The following OTOGL variants were observed in gnomAD, a reference collection of about 807,000 sequenced individuals.
OTOGL encodes the protein otogelin like, also known as otogelin-like protein.
OTOGL carries 285 observed loss-of-function variants against 318.5 expected under a neutral mutation model. The ratio of observed to expected loss-of-function variants is 0.89; its 90% CI spans 0.81 to 0.99. The LOEUF (loss-of-function observed/expected upper bound fraction) is 0.99. Ranked by LOEUF, OTOGL falls within the 50% of genes least tolerant of loss-of-function variation. The pLI, the probability that OTOGL is intolerant of heterozygous loss-of-function variation, is 0.00. For synonymous variants in OTOGL, 987 were observed against 936.5 expected, an observed-to-expected ratio of 1.05 and a Z score of -0.99; for missense variants, 2,899 against 2,845.6, an observed-to-expected ratio of 1.02 and a Z score of -0.43.
intron 29 of OTOGL, among the ~76,000 whole-genome samples, chr12:80,307,950 C>T (rs1363903698): frequency 9.7e-5 from 11 of 113,660 alleles, no homozygotes; most frequent in South Asian, 5.6e-4. Flanking sequence ...CCGGACGGAG[C>T]GGCTGGCCGG....
intron 56 of OTOGL, among the ~76,000 whole-genome samples, chr12:80,371,042 A>AT (rs1444791419): frequency 6.6e-6 from 1 of 151,980 alleles, no homozygotes; most frequent in East Asian, 1.9e-4. Flanking sequence ...AAACAGTGAG[A>AT]TTTTTGATGT....
chr12:80,126,951 G>C (rs898942165), intron 1 of OTOGL, among the ~76,000 whole-genome samples: 7 of 152,212 alleles, frequency 4.6e-5, no homozygotes, highest in Non-Finnish European at 1.0e-4. Context: ...ACATGAGATG[G>C]GTTTCCTGAA....
At chr12:80,118,970 C>T (rs527724296) in intron 1 of OTOGL, among the ~76,000 whole-genome samples, 30 of 149,774 alleles carry the variant, frequency 2.0e-4, no homozygotes, top group African/African-American at 7.1e-4. Flanking sequence ...TTTTATTTAT[C>T]GAGAAGAGGC....
Position 80,342,041 on chromosome 12 carries a change from G to A in OTOGL, c.5144G>A (p.Trp1715Ter). 1 of 1,607,446 alleles carries A rather than the reference G, an allele frequency of 6.2e-7. No individual in the cohort carries two copies. Among genetic ancestry groups the A allele is most frequent in the Non-Finnish European group, 8.5e-7 (1 of 1,176,118 alleles). The change falls in exon 44 of 59, where the codon TGG becomes TAG. Residue 1715 changes from tryptophan to a stop codon, truncating the protein, a stop_gained. Coordinates refer to ENST00000547103, the MANE Select transcript of OTOGL (RefSeq NM_001378609.3). LOFTEE classifies it high-confidence loss of function. Reference protein sequence around the residue: ...MEDIGLFIESWEIEKSFEVTM... With the variant: ...MEDIGLFIES Reference sequence around the variant, plus strand: ...GACATAGGATTATTTATTGAGAGCTGGGAAATTGAGAAATCATTTGAAGTA... The same window carrying A: ...GACATAGGATTATTTATTGAGAGCTAGGAAATTGAGAAATCATTTGAAGTA...
chr12:80,105,631 T>G (rs1254156504), intron 1 of OTOGL, among the ~76,000 whole-genome samples: 1 of 152,184 alleles, frequency 6.6e-6, no homozygotes, highest in African/African-American at 2.4e-5. Context: ...TAAATATATA[T>G]CAAGAATTAT....
intron 9 of OTOGL, among the ~76,000 whole-genome samples, chr12:80,233,896 G>T (rs749578850): frequency 1.4e-4 from 21 of 152,154 alleles, no homozygotes; most frequent in South Asian, 4.1e-4. Flanking sequence ...GTAAAATGGG[G>T]CTATGCTAAT....
chr12:80,353,250 G>T, intron 45 of OTOGL, 75 bp from the exon 46 acceptor site: 1 of 1,143,390 alleles, frequency 8.7e-7, no homozygotes. Context: ...AAAGAAATCT[G>T]ACATTTCTTT....
intron 27 of OTOGL, among the ~76,000 whole-genome samples, chr12:80,299,697 T>C (rs868595251): frequency 6.6e-6 from 1 of 152,038 alleles, no homozygotes; most frequent in Non-Finnish European, 1.5e-5. Flanking sequence ...AATATTTTAT[T>C]AATTTATTTA....
At chr12:80,340,933 T>TA (rs1245229105) in intron 43 of OTOGL, among the ~76,000 whole-genome samples, 1 of 69,780 alleles carries the variant, frequency 1.4e-5, no homozygotes, top group East Asian at 3.9e-4. Flanking sequence ...GTAGTCCACT[T>TA]AGGTTTTTTT....
At chr12:80,107,285 A>T (rs1213814962) in intron 1 of OTOGL, among the ~76,000 whole-genome samples, 1 of 152,208 alleles carries the variant, frequency 6.6e-6, no homozygotes, top group Non-Finnish European at 1.5e-5. Flanking sequence ...GACATTTTTC[A>T]AAAGAAGGCA....
In OTOGL at chr12:80,336,508, C is replaced by G; in HGVS notation, c.4696C>G (p.Pro1566Ala). 1 of 1,609,614 alleles carries G rather than the reference C, an allele frequency of 6.2e-7. No homozygotes were observed. The highest frequency in any genetic ancestry group is 1.1e-5 in the South Asian group (1 of 90,692). ...GGCTTCTTATATCTTAGTAAGAATT[C>G]CTGGTGAAATTATAGTTGCTCATAT... ...SMASYILVRI[P>A]GEIIVAHIEK... Residue 1566 changes from proline to alanine, a missense_variant, in exon 40 of 59, where the codon CCT (proline) becomes GCT (alanine). Transcript: ENST00000547103.
At chr12:80,150,302 G>A (rs547526176) in intron 1 of OTOGL, among the ~76,000 whole-genome samples, 1 of 152,164 alleles carries the variant, frequency 6.6e-6, no homozygotes, top group African/African-American at 2.4e-5. Context: ...TTCTTTCTAT[G>A]CAGCTACAAC....
intron 1 of OTOGL, among the ~76,000 whole-genome samples, chr12:80,118,078 T>C (rs10746150): frequency 0.55 from 84,091 of 151,900 alleles, 23,407 homozygotes; most frequent in Middle Eastern, 0.59. Flanking sequence ...GACTATTTTT[T>C]ACCTTCCCTT....
chr12:80,315,499 A>C (rs1213698796), intron 32 of OTOGL, among the ~76,000 whole-genome samples: 1 of 152,150 alleles, frequency 6.6e-6, no homozygotes, highest in Non-Finnish European at 1.5e-5. Context: ...TTAATGAGGA[A>C]GGCGCAGGCC....
chr12:80,316,893 T>C (rs1887006166), intron 32 of OTOGL, among the ~76,000 whole-genome samples: 1 of 152,204 alleles, frequency 6.6e-6, no homozygotes, highest in Non-Finnish European at 1.5e-5. Context: ...TATTTCTACC[T>C]GTCTTTATTT....
At chr12:80,262,233 T>G (rs1485599262) in intron 19 of OTOGL, 140 bp downstream of exon 19, 9 of 949,162 alleles carry the variant, frequency 9.5e-6, no homozygotes, top group Non-Finnish European at 1.3e-5. Context: ...TCGTGTATTT[T>G]TTTTTTGCTT....
intron 35 of OTOGL, among the ~76,000 whole-genome samples, chr12:80,327,667 A>G (rs1400244676): frequency 1.3e-5 from 2 of 151,422 alleles, no homozygotes; most frequent in African/African-American, 4.9e-5. Flanking sequence ...GGAGTATAAG[A>G]GTGGAAAGCG....
chr12:80,298,527 C>T (rs184258687), intron 27 of OTOGL, among the ~76,000 whole-genome samples: 178 of 152,232 alleles, frequency 1.2e-3, no homozygotes, highest in African/African-American at 4.2e-3. Flanking sequence ...TCTTACCCTC[C>T]CTATTTCTGA....
At chr12:80,193,726 T>C (rs1875856705) in intron 1 of OTOGL, among the ~76,000 whole-genome samples, 1 of 152,190 alleles carries the variant, frequency 6.6e-6, no homozygotes, top group Non-Finnish European at 1.5e-5. Context: ...CTATGGATGT[T>C]CTTTAAAGAT....
Sources: allele counts gnomAD v4.1 joint callset (sites outside exome capture counted in the v4.1 genomes callset), GRCh38; gene constraint gnomAD v4.1.1; transcripts MANE v1.5; gene names NCBI Gene and HGNC (gene_info 2026-07-23, HGNC 2026-07-21).